KLHL1: variants seen among roughly 807,000 people sequenced by gnomAD.
KLHL1 encodes the protein kelch like family member 1.
Under a neutral mutation model 77.7 loss-of-function variants are expected in KLHL1, and 47 were observed. That is an observed-to-expected ratio of 0.60 (90% CI 0.48 to 0.77). KLHL1 has a LOEUF of 0.77. KLHL1 is among the 30% of genes least tolerant of loss of function. KLHL1 has a pLI of 0.00. For missense variants in KLHL1, 925 were observed against 910.8 expected, an observed-to-expected ratio of 1.02 and a Z score of -0.20; for synonymous variants, 360 against 325.2, an observed-to-expected ratio of 1.11 and a Z score of -1.15.
intron 10 of KLHL1, among the ~76,000 whole-genome samples, chr13:69,706,701 C>T (rs1201977223): frequency 2.0e-5 from 3 of 151,586 alleles, no homozygotes; most frequent in Admixed American, 1.3e-4. Context: ...CTGGTAAAAG[C>T]GAGAAATAAT....
intron 1 of KLHL1, among the ~76,000 whole-genome samples, chr13:70,100,321 A>T (rs1887894800): frequency 6.6e-6 from 1 of 152,118 alleles, no homozygotes; most frequent in South Asian, 2.1e-4. Context: ...ATGCCCAATT[A>T]TTCATTGTTA....
chr13:69,740,583 T>A, intron 7 of KLHL1, 27 bp from the exon 8 acceptor site: 3 of 1,545,488 alleles, frequency 1.9e-6, no homozygotes, highest in Non-Finnish European at 2.7e-6. Flanking sequence ...ATGAATGTAG[T>A]GCCTATAGTT....
At chr13:69,931,601 T>C (rs1053721613) in intron 4 of KLHL1, among the ~76,000 whole-genome samples, 5 of 151,840 alleles carry the variant, frequency 3.3e-5, no homozygotes, top group Non-Finnish European at 5.9e-5. Context: ...ACATTTGGCT[T>C]AGTATTATTT....
At chr13:69,891,410 G>A (rs1423804731) in intron 4 of KLHL1, among the ~76,000 whole-genome samples, 1 of 151,982 alleles carries the variant, frequency 6.6e-6, no homozygotes, top group African/African-American at 2.4e-5. Flanking sequence ...CATCATACAG[G>A]AGAAAAGAAA....
intron 4 of KLHL1, among the ~76,000 whole-genome samples, chr13:69,889,204 A>G (rs1881335739): frequency 6.6e-6 from 1 of 152,064 alleles, no homozygotes; most frequent in Admixed American, 6.6e-5. Flanking sequence ...TAACTTTCTC[A>G]GGGTTTAAAA....
intron 1 of KLHL1, among the ~76,000 whole-genome samples, chr13:70,020,464 G>A (rs1372311753): frequency 4.0e-5 from 6 of 151,796 alleles, no homozygotes; most frequent in South Asian, 2.1e-4. Context: ...GTCTCTTGTC[G>A]TCCTCTTTTC....
intron 3 of KLHL1, 66 bp from the exon 4 acceptor site, chr13:69,940,302 T>C (rs1566426096): frequency 8.2e-7 from 1 of 1,216,040 alleles, no homozygotes; most frequent in Non-Finnish European, 1.1e-6. Flanking sequence ...ATCATAACAC[T>C]ACACAAAACA....
At chr13:69,846,905 A>G (rs1157893167) in intron 5 of KLHL1, among the ~76,000 whole-genome samples, 1 of 151,428 alleles carries the variant, frequency 6.6e-6, no homozygotes, top group Non-Finnish European at 1.5e-5. Context: ...TTCTGAAAGT[A>G]TTGCTTTATA....
At chr13:69,861,620 C>T (rs1880163259) in intron 5 of KLHL1, among the ~76,000 whole-genome samples, 1 of 151,462 alleles carries the variant, frequency 6.6e-6, no homozygotes, top group South Asian at 2.1e-4. Context: ...TCATATTTGG[C>T]CCACCTAACC....
intron 4 of KLHL1, among the ~76,000 whole-genome samples, chr13:69,927,581 A>G (rs1158860173): frequency 1.3e-5 from 2 of 152,222 alleles, no homozygotes; most frequent in Non-Finnish European, 2.9e-5. Context: ...AAACTCAATT[A>G]AAAATGGTCA....
intron 1 of KLHL1, among the ~76,000 whole-genome samples, chr13:69,987,331 A>G (rs1022542259): frequency 5.3e-5 from 8 of 152,100 alleles, no homozygotes; most frequent in Admixed American, 2.6e-4. Flanking sequence ...ATAATGAAAG[A>G]AAACTATTTT....
chr13:69,972,405 G>A (rs562019999), intron 2 of KLHL1, among the ~76,000 whole-genome samples: 1 of 152,034 alleles, frequency 6.6e-6, no homozygotes, highest in East Asian at 1.9e-4. Flanking sequence ...AAGTGTTTTA[G>A]TCTGTAGAAT....
chr13:69,981,970 T>C (rs1884723076), intron 1 of KLHL1, among the ~76,000 whole-genome samples: 1 of 151,952 alleles, frequency 6.6e-6, no homozygotes. Context: ...AATATAAATA[T>C]GTGAATAGTG....
At chr13:69,831,900 C>G (rs759577160) in intron 6 of KLHL1, among the ~76,000 whole-genome samples, 5 of 149,914 alleles carry the variant, frequency 3.3e-5, no homozygotes, top group Non-Finnish European at 4.4e-5. Flanking sequence ...ATCCAACATC[C>G]CTTTATGATT....
At chr13:69,882,223 C>T (rs1881026848) in intron 5 of KLHL1, 60 bp downstream of exon 5, 1 of 1,168,184 alleles carries the variant, frequency 8.6e-7, no homozygotes, top group African/African-American at 1.5e-5. Context: ...TTGATGTTTA[C>T]TTTTAATATA....
At chr13:70,024,343 T>C (rs1258459110) in intron 1 of KLHL1, among the ~76,000 whole-genome samples, 1 of 151,818 alleles carries the variant, frequency 6.6e-6, no homozygotes, top group Non-Finnish European at 1.5e-5. Context: ...TTCTGAATTG[T>C]AAGACCTAGA....
intron 4 of KLHL1, among the ~76,000 whole-genome samples, chr13:69,908,538 A>T (rs777925289): frequency 2.7e-5 from 4 of 149,760 alleles, no homozygotes; most frequent in Non-Finnish European, 5.9e-5. Flanking sequence ...ATTTGAAGAG[A>T]AAACGTAAAA....
At chr13:70,013,740 C>T (rs182225930) in intron 1 of KLHL1, among the ~76,000 whole-genome samples, 197 of 152,156 alleles carry the variant, frequency 1.3e-3, no homozygotes, top group Non-Finnish European at 2.4e-3. Flanking sequence ...ATTATTTTAG[C>T]TCTAGTGGAG....
At chr13:70,037,267 GCTTT>G (rs558150256) in intron 1 of KLHL1, among the ~76,000 whole-genome samples, 6 of 151,978 alleles carry the variant, frequency 3.9e-5, no homozygotes, top group African/African-American at 7.2e-5. Context: ...TCTGAAAATG[GCTTT>G]CTTTATTAAC....
Sources: gnomAD v4.1 joint callset for allele counts (sites outside exome capture counted in the v4.1 genomes callset) on GRCh38, gnomAD v4.1.1 for gene constraint, MANE v1.5 for transcripts, NCBI Gene and HGNC (gene_info 2026-07-23, HGNC 2026-07-21) for gene names.